The following ZNF878 variants were observed in gnomAD, a reference collection of about 807,000 sequenced individuals.
ZNF878 encodes zinc finger protein 878.
In ZNF878, 10 loss-of-function variants were observed where a neutral mutation model predicts 11.1. That is an observed-to-expected ratio of 0.90 (90% CI 0.56 to 1.53). The LOEUF (loss-of-function observed/expected upper bound fraction) is 1.53, where lower values mean the gene tolerates loss of function less well. Among genes scored for constraint, ZNF878 ranks in the 40% most tolerant of loss-of-function variants. The pLI is 0.00. For missense variants in ZNF878, 548 were observed against 626.1 expected, an observed-to-expected ratio of 0.88 and a Z score of 1.33; for synonymous variants, 165 against 209.7, an observed-to-expected ratio of 0.79 and a Z score of 1.84.
Position 12,044,003 on chromosome 19 carries a change from A to G in ZNF878, c.1398T>C (p.Ile466=). 1.2e-6 allele frequency: 2 copies of G among 1,610,618 alleles called. No homozygotes were observed. Among genetic ancestry groups the G allele is most frequent in the Non-Finnish European group, 1.7e-6 (2 of 1,177,594 alleles). Residue 466 remains isoleucine, a synonymous_variant, in exon 4 of 4, where the codon ATT becomes ATC. Coordinates refer to ENST00000547628, the MANE Select transcript of ZNF878 (RefSeq NM_001080404.3). ...CGKAFISSNS[I]RYHKRTHTGE... is the part of the protein sequence containing the mutation. ...CAGTGTGAGTCCTTTTATGATAGCG[A>G]ATAGAATTAGAAGAAATGAAGGCTT...
rs1453625906 is a variant in ZNF878 at position 12,046,626 on chromosome 19, A to G, written c.130+8T>C. 6.2e-7 allele frequency: 1 copy of G among 1,613,992 alleles called. No homozygotes were observed. The highest frequency in any genetic ancestry group is 1.7e-5 in the Admixed American group (1 of 59,974). The stretch of plus-strand genomic sequence containing the variant: ...ATTCACTGAGGGAAGTAATACTGTC[A>G]TTCTTACCTATGGAGGTCAGGTTCC... On this transcript the variant is annotated splice_region_variant and intron_variant, in intron 2 of 3. Transcript: ENST00000547628.
At chr19:12,048,960 T>C (rs773090757) in intron 1 of ZNF878, among the ~76,000 whole-genome samples, 4 of 151,166 alleles carry the variant, frequency 2.6e-5, no homozygotes, top group Non-Finnish European at 5.9e-5. Flanking sequence ...CTGGCCAATA[T>C]AGTGAAACTC....
intron 1 of ZNF878, among the ~76,000 whole-genome samples, chr19:12,050,924 C>G (rs1052707058): frequency 6.6e-6 from 1 of 151,502 alleles, no homozygotes; most frequent in African/African-American, 2.4e-5. Flanking sequence ...GAAACCCCGT[C>G]TCTACTAAAA....
intron 1 of ZNF878, among the ~76,000 whole-genome samples, chr19:12,051,111 A>G (rs1245211989): frequency 2.7e-5 from 3 of 111,026 alleles, no homozygotes; most frequent in African/African-American, 1.7e-4. Context: ...AAAAAAAAAA[A>G]AAAAAAAGAA....
chr19:12,045,492 C>T (rs1318715771), intron 3 of ZNF878, among the ~76,000 whole-genome samples: 5 of 151,768 alleles, frequency 3.3e-5, no homozygotes, highest in Non-Finnish European at 7.4e-5. Context: ...CTAAAAAATA[C>T]AAAAAATTAG....
intron 3 of ZNF878, 124 bp from the exon 4 acceptor site, chr19:12,045,333 AT>A (rs1975463416): frequency 6.2e-6 from 5 of 807,982 alleles, no homozygotes; most frequent in Non-Finnish European, 9.5e-6. Flanking sequence ...CTGAACATGA[AT>A]GGAACACATG....
At chr19:12,052,071 C>T (rs1471857743) in intron 1 of ZNF878, among the ~76,000 whole-genome samples, 2 of 152,234 alleles carry the variant, frequency 1.3e-5, no homozygotes, top group African/African-American at 4.8e-5. Flanking sequence ...AATCCCTCCA[C>T]CACCTGTGCC....
chr19:12,047,192 G>A (rs985247751), intron 1 of ZNF878, among the ~76,000 whole-genome samples: 4 of 152,108 alleles, frequency 2.6e-5, no homozygotes, highest in African/African-American at 9.7e-5. Context: ...CTAGAAAGTG[G>A]GTTTTCTTCT....
At chr19:12,052,726 G>A in intron 1 of ZNF878, 73 bp downstream of exon 1, 1 of 1,488,850 alleles carries the variant, frequency 6.7e-7, no homozygotes, top group Non-Finnish European at 9.0e-7. Context: ...CCCGGGCCCC[G>A]CCACAGCGGG....
intron 1 of ZNF878, among the ~76,000 whole-genome samples, chr19:12,047,648 CTG>C (rs1975507617): frequency 6.6e-6 from 1 of 151,422 alleles, no homozygotes; most frequent in African/African-American, 2.4e-5. Context: ...TTCTGGGAAA[CTG>C]TATGTAGATA....
rs746977680 is a variant in ZNF878 at position 12,044,566 on chromosome 19, C to T, written c.835G>A (p.Gly279Arg). 3 of 1,613,980 alleles carry T rather than the reference C, an allele frequency of 1.9e-6. No homozygotes were observed. The highest frequency in any genetic ancestry group is 2.7e-5 in the African/African-American group (2 of 74,912). ...TGTGTACACTCATAGGGTTTCTCTCCACTGTGAGTCCTTTCATGATATTGA... is the reference window on the plus strand; with the variant it reads ...TGTGTACACTCATAGGGTTTCTCTCTACTGTGAGTCCTTTCATGATATTGA... The part of the protein sequence containing the change: ...SFQYHERTHS[G>R]EKPYECTQCR... The change falls in exon 4 of 4, where the codon GGA becomes AGA. Residue 279 changes from glycine to arginine, a missense_variant. Coordinates refer to ENST00000547628, the MANE Select transcript of ZNF878 (RefSeq NM_001080404.3).
intron 1 of ZNF878, 101 bp from the exon 2 acceptor site, chr19:12,046,861 A>T (rs1975497176): frequency 6.6e-7 from 1 of 1,508,568 alleles, no homozygotes; most frequent in Admixed American, 2.1e-5. Flanking sequence ...TGGTGTGTGG[A>T]CTCCAAACAT....
rs1440480642 is a variant in ZNF878 at position 12,046,664 on chromosome 19, G to C, written c.100C>G (p.Gln34Glu). 4 of 1,614,014 alleles carry C rather than the reference G, an allele frequency of 2.5e-6. No homozygotes were observed. The highest frequency in any genetic ancestry group is 2.5e-6 in the Non-Finnish European group (3 of 1,179,990). Residue 34 changes from glutamine (Q) to glutamate (E), a missense_variant, in exon 2 of 4, where the codon CAG (glutamine) becomes GAG (glutamate). Around this residue, in one of 3 missense-constraint regions of ZNF878, gnomAD observed 160 missense variants for 173.3 expected, o/e 0.92. Coordinates refer to ENST00000547628, the MANE Select transcript of ZNF878 (RefSeq NM_001080404.3). ...SQKNLYREVM[Q>E]ETLRNLTSIG... ...GAGGTCAGGTTCCTCAAGGTTTCCT[G>C]CATCACTTCCCTGTAGAGATTTTTC...
rs1029741665 is a variant in ZNF878 at position 12,048,094 on chromosome 19, T to G, written c.4-1334A>C. Among the ~76,000 whole-genome samples the G allele has an allele frequency of 2.6e-5, 4 of 152,228 alleles. No individual in the cohort carries two copies. The East Asian group carries it at 7.7e-4, about 29-fold the overall frequency. ...CAACCCATGACTCAACACAGTGGCA[T>G]GTTTGCAACAGAATGAGGCAAAAAG... On this transcript the variant is annotated intron_variant, in intron 1 of 3. Coordinates refer to ENST00000547628, the MANE Select transcript of ZNF878 (RefSeq NM_001080404.3).
At chr19:12,046,299 T>C (rs1960926237) in intron 3 of ZNF878, 69 bp downstream of exon 3, 3 of 1,212,046 alleles carry the variant, frequency 2.5e-6, no homozygotes, top group South Asian at 1.5e-5. Context: ...TGCTTGCTTC[T>C]TTTTAACCTT....
chr19:12,045,645 T>TCAAACAAA (rs112087673), intron 3 of ZNF878, among the ~76,000 whole-genome samples: 12 of 151,548 alleles, frequency 7.9e-5, no homozygotes, highest in African/African-American at 2.9e-4. Flanking sequence ...AGACACTGTC[T>TCAAACAAA]CAAACAAACA....
At chr19:12,051,544 A>C (rs142558575) in intron 1 of ZNF878, among the ~76,000 whole-genome samples, 38 of 151,448 alleles carry the variant, frequency 2.5e-4, no homozygotes, top group African/African-American at 8.2e-4. Flanking sequence ...GAGGCCGAGG[A>C]GGGTGGATCA....
At chr19:12,048,789 G>A (rs1377622912) in intron 1 of ZNF878, among the ~76,000 whole-genome samples, 2 of 148,370 alleles carry the variant, frequency 1.3e-5, no homozygotes, top group African/African-American at 5.0e-5. Flanking sequence ...AGCCAAGATC[G>A]TGCATTGCAC....
Position 12,046,740 on chromosome 19 carries a change from A to T in ZNF878, c.24T>A (p.Asp8Glu), listed in dbSNP as rs1201853286. 1.2e-6 allele frequency: 2 copies of T among 1,614,012 alleles called. No individual in the cohort carries two copies. Among genetic ancestry groups the T allele is most frequent in the South Asian group, 2.2e-5 (2 of 91,074 alleles). ...CCTCCTGGGTGAAGTTCACAGCCAC[A>T]TCCTCAAAGGCCACCGAATCCTGAA... MDSVAFE[D>E]VAVNFTQEEW... is the part of the protein sequence containing the mutation. Residue 8 changes from aspartate to glutamate, a missense_variant, in exon 2 of 4, where the codon GAT becomes GAA. This residue lies in a region of ZNF878 where 160 missense variants were observed against 173.3 expected (regional missense o/e 0.92). Transcript: ENST00000547628.
Sources: allele counts gnomAD v4.1 joint callset (sites outside exome capture counted in the v4.1 genomes callset), GRCh38; gene constraint gnomAD v4.1.1; regional missense constraint gnomAD v4.1.1; transcripts MANE v1.5; gene names NCBI Gene and HGNC (gene_info 2026-07-23, HGNC 2026-07-21).